The following GPD2 variants were observed in gnomAD, a reference collection of about 807,000 sequenced individuals.
The protein encoded by GPD2 is glycerol-3-phosphate dehydrogenase 2.
A neutral mutation model predicts 82.4 loss-of-function variants in GPD2; 54 were observed. That is an observed-to-expected ratio of 0.66 (90% confidence interval 0.53 to 0.82). The LOEUF (loss-of-function observed/expected upper bound fraction) is 0.82, where lower values mean the gene tolerates loss of function less well. GPD2 is among the 40% of genes least tolerant of loss of function. The pLI, the probability that GPD2 is intolerant of heterozygous loss-of-function variation, is 0.00. For synonymous variants in GPD2, 288 were observed against 306.1 expected (o/e 0.94, Z 0.62); for missense variants, 748 against 896.2 (o/e 0.83, Z 2.11).
chr2:156,564,419 C>G (rs941054994), intron 9 of GPD2, among the ~76,000 whole-genome samples: 6 of 152,106 alleles, frequency 3.9e-5, no homozygotes, highest in Admixed American at 6.5e-5. Flanking sequence ...AAAATTTCCA[C>G]TGTGGGTAAA....
intron 1 of GPD2, among the ~76,000 whole-genome samples, chr2:156,451,066 T>G (rs1682543391): frequency 6.8e-6 from 1 of 146,372 alleles, no homozygotes; most frequent in Non-Finnish European, 1.5e-5. Context: ...TCTACTTCTT[T>G]CTACACAGAC....
the GPD2 span, among the ~76,000 whole-genome samples, chr2:156,404,237 A>G: frequency 2.0e-4 from 31 of 151,972 alleles, no homozygotes; most frequent in Non-Finnish European, 3.8e-4. Flanking sequence ...AAAAAAAATT[A>G]CCCAGGTGTG....
At chr2:156,472,590 G>A (rs1276386012) in intron 1 of GPD2, among the ~76,000 whole-genome samples, 1 of 152,126 alleles carries the variant, frequency 6.6e-6, no homozygotes, top group South Asian at 2.1e-4. Flanking sequence ...CCAAAGTGCT[G>A]GGATTACAGA....
the GPD2 span, among the ~76,000 whole-genome samples, chr2:156,410,980 A>G: frequency 1.6e-4 from 25 of 152,174 alleles, no homozygotes; most frequent in African/African-American, 5.8e-4. Flanking sequence ...TAACGTGATT[A>G]TTTTCCCCAC....
chr2:156,472,509 A>G (rs1170989031), intron 1 of GPD2, among the ~76,000 whole-genome samples: 1 of 152,014 alleles, frequency 6.6e-6, no homozygotes, highest in Non-Finnish European at 1.5e-5. Context: ...TTTAGTAGAG[A>G]CAAGGTTTCA....
At chr2:156,568,988 T>C in intron 10 of GPD2, 29 bp downstream of exon 10, 1 of 1,486,960 alleles carries the variant, frequency 6.7e-7, no homozygotes, top group South Asian at 1.2e-5. Context: ...TTATTTTCTT[T>C]TCTTTTTTTT....
intron 6 of GPD2, among the ~76,000 whole-genome samples, chr2:156,515,099 A>G (rs1201312010): frequency 6.6e-6 from 1 of 152,174 alleles, no homozygotes; most frequent in African/African-American, 2.4e-5. Flanking sequence ...AAGCTTGTCA[A>G]TATCTGAATC....
At chr2:156,576,177 T>A (rs1330785103) in intron 13 of GPD2, among the ~76,000 whole-genome samples, 1 of 152,202 alleles carries the variant, frequency 6.6e-6, no homozygotes, top group East Asian at 1.9e-4. Context: ...CAGTGGACCA[T>A]GGCTGCCCCC....
intron 3 of GPD2, among the ~76,000 whole-genome samples, chr2:156,496,769 A>G (rs1684397797): frequency 6.6e-6 from 1 of 152,086 alleles, no homozygotes; most frequent in African/African-American, 2.4e-5. Context: ...TTTTTATATC[A>G]CTTGAAATCA....
intron 1 of GPD2, among the ~76,000 whole-genome samples, chr2:156,445,102 T>A (rs1271961202): frequency 6.6e-6 from 1 of 152,210 alleles, no homozygotes; most frequent in African/African-American, 2.4e-5. Context: ...CCTAACGTGG[T>A]CTTTTTCTTA....
At chr2:156,465,505 G>A (rs1317544447) in intron 1 of GPD2, among the ~76,000 whole-genome samples, 1 of 151,828 alleles carries the variant, frequency 6.6e-6, no homozygotes. Flanking sequence ...GGTACTACAG[G>A]CATGTGCCAT....
At chr2:156,434,067 A>G (rs1322298856), upstream of GPD2, among the ~76,000 whole-genome samples, 1 of 152,188 alleles carries the variant, frequency 6.6e-6, no homozygotes, top group Non-Finnish European at 1.5e-5. Flanking sequence ...GGCATACTTA[A>G]TATAACCAGT....
chr2:156,563,195 A>C lies in GPD2; in HGVS notation c.1165+5613A>C, dbSNP rs148000989. 9.8e-5 allele frequency among the ~76,000 whole-genome samples: 15 copies of C among 152,294 alleles called. No individual in the cohort carries two copies. In the East Asian group the frequency reaches 2.7e-3, roughly 27 times the overall value. ...CCAGCTCTTATAGTTTGATATAAAA[A>C]GTTTAGAGAATGCTTTAATATTCCA... On this transcript the variant is annotated intron_variant, in intron 9 of 16. Coordinates refer to ENST00000438166, the MANE Select transcript of GPD2 (RefSeq NM_000408.5).
intron 2 of GPD2, among the ~76,000 whole-genome samples, chr2:156,489,677 TTTCCTTCCTTCTTCCTTCC>T (rs1684077451): frequency 6.6e-6 from 1 of 150,806 alleles, no homozygotes; most frequent in African/African-American, 2.5e-5. Context: ...CATAGAGTTT[TTTCCTTCCTTCTTCCTTCC>T]TTCCTTCCTT....
intron 6 of GPD2, among the ~76,000 whole-genome samples, chr2:156,531,219 CT>C (rs762034008): frequency 2.6e-5 from 4 of 152,126 alleles, no homozygotes; most frequent in Non-Finnish European, 2.9e-5. Flanking sequence ...TAATTCACCC[CT>C]GCCCCCTTTA....
the GPD2 span, among the ~76,000 whole-genome samples, chr2:156,405,890 G>A: frequency 6.6e-6 from 1 of 152,190 alleles, no homozygotes; most frequent in African/African-American, 2.4e-5. Context: ...GTTGTAAGTT[G>A]CATCATAGCA....
chr2:156,579,931 G>A (rs144040030), intron 16 of GPD2, 143 bp downstream of exon 16: 1 of 692,260 alleles, frequency 1.4e-6, no homozygotes, highest in African/African-American at 1.8e-5. Context: ...AGCCAGCAGA[G>A]GTTGATATGT....
intron 1 of GPD2, among the ~76,000 whole-genome samples, chr2:156,447,573 G>A (rs182924647): frequency 2.6e-5 from 4 of 152,220 alleles, no homozygotes; most frequent in Non-Finnish European, 5.9e-5. Flanking sequence ...GGGCTTGAGC[G>A]ATTCTCCCTC....
At chr2:156,415,552 C>T in the GPD2 span, among the ~76,000 whole-genome samples, 1 of 151,970 alleles carries the variant, frequency 6.6e-6, no homozygotes, top group Admixed American at 6.6e-5. Context: ...TGAGTTACTT[C>T]ACTTTGAATA....
Sources: allele counts gnomAD v4.1 joint callset (sites outside exome capture counted in the v4.1 genomes callset), GRCh38; gene constraint gnomAD v4.1.1; transcripts MANE v1.5; gene names NCBI Gene and HGNC (gene_info 2026-07-23, HGNC 2026-07-21).